ATP8B3: variants seen among roughly 807,000 people sequenced by gnomAD.
ATP8B3 encodes the protein phospholipid-transporting ATPase IK.
ATP8B3 carries 141 observed loss-of-function variants against 140.9 expected under a neutral mutation model. The observed-to-expected ratio is 1.00, with a 90% CI of 0.87 to 1.15. The LOEUF (loss-of-function observed/expected upper bound fraction) is 1.15, where lower values mean the gene tolerates loss of function less well. Among genes scored for constraint, ATP8B3 ranks in the 50% most tolerant of loss-of-function variants. ATP8B3 has a pLI of 0.00. For synonymous variants in ATP8B3, 765 were observed against 714.6 expected (o/e 1.07, Z -1.13); for missense variants, 1,874 against 1,740.6 (o/e 1.08, Z -1.36).
At chr19:1,803,969 G>A (rs1175654492) in intron 10 of ATP8B3, among the ~76,000 whole-genome samples, 1 of 151,750 alleles carries the variant, frequency 6.6e-6, no homozygotes, top group Non-Finnish European at 1.5e-5. Context: ...GAGAGGATGG[G>A]TGTGGCCCCC....
Position 1,782,914 on chromosome 19 carries a change from T to TTG in ATP8B3, c.*113_*114insCA, listed in dbSNP as rs1356197343. On this transcript the variant is annotated 3_prime_UTR_variant, in exon 29 of 29. Coordinates refer to ENST00000310127, the MANE Select transcript of ATP8B3 (RefSeq NM_138813.4). Reference sequence around the variant, plus strand: ...GGTTTTCTGGATGAAGAGCGGATTGTCTATCCATAGAAAATGATGAGCTAG... The same window carrying TTG: ...GGTTTTCTGGATGAAGAGCGGATTGTTGCTATCCATAGAAAATGATGAGCTAG... 7.3e-7 allele frequency: 1 copy of TTG among 1,371,466 alleles called. No homozygotes were observed. Among genetic ancestry groups the TTG allele is most frequent in the African/African-American group, 1.5e-5 (1 of 68,570 alleles). The allele number at this position is 1,371,466 out of a possible 1,614,324, so 85.0% of individuals were successfully genotyped here. A position where few individuals can be genotyped will look rare whatever the true frequency, so the allele number is the denominator to read the frequency against.
chr19:1,786,856 CGGGGGCTCCAGCACAGGGT>C (rs905024282), intron 25 of ATP8B3, among the ~76,000 whole-genome samples: 2 of 152,124 alleles, frequency 1.3e-5, no homozygotes, highest in African/African-American at 4.8e-5. Context: ...GACAGAGGCA[CGGGGGCTCCAGCACAGGGT>C]GGGGGCTCCC....
chr19:1,796,990 G>T lies in ATP8B3; in HGVS notation c.1568C>A (p.Ala523Asp). 2 of 1,613,048 alleles carry T rather than the reference G, an allele frequency of 1.2e-6. No individual in the cohort carries two copies. The highest frequency in any genetic ancestry group is 1.7e-6 in the Non-Finnish European group (2 of 1,179,810). The change falls in exon 15 of 29, where the codon GCC becomes GAC. Residue 523 changes from alanine (A) to aspartate (D), a missense_variant. Around this residue, in one of 3 missense-constraint regions of ATP8B3, gnomAD observed 1,032 missense variants for 963.6 expected, o/e 1.07. Transcript: ENST00000310127. ...CAGGCTCACCTTAGGTCGGGTCGTG[G>T]CCTCTGAATCCGGCCCTGGGGAAAG... ...SGRVYGPDSE[A>D]TTRPKENPYL... is the part of the protein sequence containing the mutation.
chr19:1,798,535 G>A lies in ATP8B3; in HGVS notation c.1552+1412C>T, dbSNP rs577407847. Among the ~76,000 whole-genome samples the A allele has an allele frequency of 3.9e-4, 59 of 151,600 alleles. 1 individual carries two copies. The highest frequency in any genetic ancestry group is 1.3e-3 in the African/African-American group (53 of 41,218). ...AGGCAGATCACGAGGTCAGGAGATC[G>A]AGACCATCCTGGCTAACACGGTGAA... is the stretch of plus-strand genomic sequence containing the variant. On this transcript the variant is annotated intron_variant, in intron 14 of 28. Transcript: ENST00000310127.
chr19:1,782,919 C>G lies in ATP8B3; in HGVS notation c.*109G>C. ...TCTGGATGAAGAGCGGATTGTCTAT[C>G]CATAGAAAATGATGAGCTAGGTGTA... is the stretch of plus-strand genomic sequence containing the variant. On this transcript the variant is annotated 3_prime_UTR_variant, in exon 29 of 29. Coordinates refer to ENST00000310127, the MANE Select transcript of ATP8B3 (RefSeq NM_138813.4). 2 of 1,381,132 alleles carry G rather than the reference C, an allele frequency of 1.4e-6. No individual in the cohort carries two copies. Among genetic ancestry groups the G allele is most frequent in the Non-Finnish European group, 2.0e-6 (2 of 1,021,268 alleles). The allele number at this position is 1,381,132 out of a possible 1,614,324, so 85.6% of individuals were successfully genotyped here.
intron 16 of ATP8B3, 62 bp from the exon 17 acceptor site, chr19:1,796,327 C>T (rs2068674021): frequency 7.0e-7 from 1 of 1,433,126 alleles, no homozygotes; most frequent in African/African-American, 1.4e-5. Flanking sequence ...CTCCACAGTG[C>T]AGGGAGGAGA....
rs1422563647 is a variant in ATP8B3, at chr19:1,807,059, CT to C, written c.615+108del. 2.5e-5 allele frequency: 25 copies of C among 1,015,832 alleles called. No homozygotes were observed. Among genetic ancestry groups the C allele is most frequent in the Non-Finnish European group, 2.9e-5 (19 of 660,774 alleles). 62.9% of individuals were successfully genotyped at this position (1,015,832 alleles called of 1,614,324 possible). A position where few individuals can be genotyped will look rare whatever the true frequency, so the allele number is the denominator to read the frequency against. On this transcript the variant is annotated intron_variant, in intron 6 of 28. Transcript: ENST00000310127. This position sits in a 1 kb window ranked among gnomAD's most constrained non-coding sequence, Gnocchi z 5.9. ...CTGAGGCTCCCAGGCCCACGTTCCCCTAATGCTCCAGGAAGCCCAGCCCTCC... is the reference window on the plus strand; with the variant it reads ...CTGAGGCTCCCAGGCCCACGTTCCCCAATGCTCCAGGAAGCCCAGCCCTCC...
intron 14 of ATP8B3, among the ~76,000 whole-genome samples, chr19:1,797,357 T>C (rs1270250419): frequency 6.9e-6 from 1 of 145,010 alleles, no homozygotes; most frequent in Non-Finnish European, 1.5e-5. Context: ...GAGCGGGATG[T>C]GGCCCCTTCC....
At position 1,786,195 on chromosome 19, in the gene ATP8B3, C is replaced by T. The variant is rs2068299994; in HGVS notation, c.3154-487G>A. Among the ~76,000 whole-genome samples the T allele has an allele frequency of 3.9e-5, 6 of 152,220 alleles. No homozygotes were observed. The South Asian group carries it at 1.2e-3, about 32-fold the overall frequency. On this transcript the variant is annotated intron_variant, in intron 25 of 28. Coordinates refer to ENST00000310127, the MANE Select transcript of ATP8B3 (RefSeq NM_138813.4). Reference sequence around the variant, plus strand: ...TTGGTCACTTGGCCACACGAACGCACTAGGTGATGCTGGGCTGTGCGCATG... The same window carrying T: ...TTGGTCACTTGGCCACACGAACGCATTAGGTGATGCTGGGCTGTGCGCATG...
rs772873382 is a variant in ATP8B3, at chr19:1,796,169, G to A, written c.1850C>T (p.Thr617Ile). The change falls in exon 17 of 29, where the codon ACC (threonine) becomes ATC (isoleucine). Residue 617 changes from threonine (T) to isoleucine (I), a missense_variant. Physicochemically the swap from Thr to Ile is moderately conservative, Grantham distance 89. Transcript: ENST00000310127. ...CTCCCCCAGCTCCATGATCGTGACG[G>A]TGTCCTGGGTGCGGGACAGGAACAC... ...GYVFLSRTQD[T>I]VTIMELGEER... 3.1e-6 allele frequency: 5 copies of A among 1,612,850 alleles called. No individual in the cohort carries two copies. The highest frequency in any genetic ancestry group is 3.4e-6 in the Non-Finnish European group (4 of 1,179,880).
At chr19:1,798,310 G>A (rs72973604) in intron 14 of ATP8B3, among the ~76,000 whole-genome samples, 26,161 of 151,772 alleles carry the variant, frequency 0.17, 3,091 homozygotes, top group East Asian at 0.58. Context: ...TCCAAACCAC[G>A]TGCCCTGGTT....
intron 16 of ATP8B3, 131 bp downstream of exon 16, chr19:1,796,580 C>T (rs1180264498): frequency 6.5e-6 from 8 of 1,222,698 alleles, no homozygotes; most frequent in African/African-American, 1.5e-5. Context: ...CGGCTGGTGT[C>T]ACACCGGCCT....
At chr19:1,797,797 C>A (rs2068728466) in intron 14 of ATP8B3, among the ~76,000 whole-genome samples, 2 of 151,844 alleles carry the variant, frequency 1.3e-5, no homozygotes, top group South Asian at 4.2e-4. Flanking sequence ...CCGCACCCAG[C>A]CACTTTTTAT....
chr19:1,811,383 C>T (rs1418145491), intron 2 of ATP8B3, 106 bp downstream of exon 2: 7 of 1,461,022 alleles, frequency 4.8e-6, no homozygotes, highest in East Asian at 2.5e-5. Context: ...GGGCAAACCA[C>T]CCCTAGACGC....
rs2068275458 is a variant in ATP8B3 at position 1,785,475 on chromosome 19, G to T, written c.3387C>A (p.Thr1129=). Residue 1129 remains threonine (T), a synonymous_variant, in exon 26 of 29, where the codon ACC becomes ACA. Coordinates refer to ENST00000310127, the MANE Select transcript of ATP8B3 (RefSeq NM_138813.4). Reference sequence around the variant, plus strand: ...AGGTGAGGACCTTGCCCACCTCCATGGTGATGGACAGCAGGCAAGACAGGG... The same window carrying T: ...AGGTGAGGACCTTGCCCACCTCCATTGTGATGGACAGCAGGCAAGACAGGG... ...VVALSCLLSI[T]MEVILIIKYW... is the part of the protein sequence containing the mutation. The T allele has an allele frequency of 1.2e-6, 2 of 1,612,736 alleles. No homozygotes were observed. The highest frequency in any genetic ancestry group is 2.2e-5 in the South Asian group (2 of 91,072).
chr19:1,791,981 T>C lies in ATP8B3; in HGVS notation c.2190+20A>G, dbSNP rs1306938606. 36 of 1,131,010 alleles carry C rather than the reference T, an allele frequency of 3.2e-5. No individual in the cohort carries two copies. The highest frequency in any genetic ancestry group is 3.9e-5 in the Non-Finnish European group (32 of 821,352). 70.1% of individuals were successfully genotyped at this position (1,131,010 alleles called of 1,614,324 possible). A position where few individuals can be genotyped will look rare whatever the true frequency, so the allele number is the denominator to read the frequency against. On this transcript the variant is annotated intron_variant, in intron 19 of 28. Coordinates refer to ENST00000310127, the MANE Select transcript of ATP8B3 (RefSeq NM_138813.4). ...CCGCTGCCCACCCACCCTGAGGTCCTGCTCCATCTCGTTGTACACCTGTTG... is the reference window on the plus strand; with the variant it reads ...CCGCTGCCCACCCACCCTGAGGTCCCGCTCCATCTCGTTGTACACCTGTTG...
chr19:1,786,605 G>T, intron 25 of ATP8B3, among the ~76,000 whole-genome samples: 1 of 151,780 alleles, frequency 6.6e-6, no homozygotes, highest in Non-Finnish European at 1.5e-5. Flanking sequence ...CATGAAATGA[G>T]ATGTAAAATC....
chr19:1,799,242 G>A (rs1232072719), intron 14 of ATP8B3: 1 of 151,676 alleles, frequency 6.6e-6, no homozygotes, highest in East Asian at 1.9e-4. Flanking sequence ...CAGATCACCT[G>A]AAGTCAGGAG....
At position 1,789,872 on chromosome 19, in the gene ATP8B3, AC is replaced by A. The variant is rs1459143622; in HGVS notation, c.2478+17del. On this transcript the variant is annotated intron_variant, in intron 22 of 28. Transcript: ENST00000310127. ...CCCTGGCGCCGGGACCCCGCCGTCC[AC>A]CCTGAGCGACACTGACCAGGAAGTC... The A allele has an allele frequency of 6.2e-7, 1 of 1,606,134 alleles. No homozygotes were observed. Among genetic ancestry groups the A allele is most frequent in the African/African-American group, 1.4e-5 (1 of 73,986 alleles).
Sources: allele counts gnomAD v4.1 joint callset (sites outside exome capture counted in the v4.1 genomes callset), GRCh38; gene constraint gnomAD v4.1.1; regional missense constraint gnomAD v4.1.1; non-coding constraint Gnocchi (gnomAD v3.1); transcripts MANE v1.5; gene names NCBI Gene and HGNC (gene_info 2026-07-23, HGNC 2026-07-21).